Variants in GALNTL6 observed in about 807,000 individuals in gnomAD.
GALNTL6 encodes the protein polypeptide N-acetylgalactosaminyltransferase-like 6.
Under a neutral mutation model 73.7 loss-of-function variants are expected in GALNTL6, and 46 were observed. The ratio of observed to expected loss-of-function variants is 0.62; its 90% CI spans 0.49 to 0.80. GALNTL6 has a LOEUF of 0.80. Ranked by LOEUF, GALNTL6 falls within the 30% of genes least tolerant of loss-of-function variation. The pLI is 0.00. For synonymous variants in GALNTL6, 259 were observed against 263.7 expected (o/e 0.98, Z 0.17); for missense variants, 604 against 755.0 (o/e 0.80, Z 2.34).
chr4:171,950,413 G>T (rs907123438), intron 2 of GALNTL6, among the ~76,000 whole-genome samples: 1 of 151,854 alleles, frequency 6.6e-6, no homozygotes, highest in Admixed American at 6.6e-5. Flanking sequence ...GATGAAGTTT[G>T]TGGAGTTAAT....
chr4:172,325,178 A>G (rs1222227153), intron 4 of GALNTL6, among the ~76,000 whole-genome samples: 2 of 151,994 alleles, frequency 1.3e-5, no homozygotes, highest in Non-Finnish European at 2.9e-5. Flanking sequence ...TTCAACAAGC[A>G]TTTAAATTAT....
At chr4:172,746,049 T>C (rs569979574) in intron 5 of GALNTL6, among the ~76,000 whole-genome samples, 83 of 65,054 alleles carry the variant, frequency 1.3e-3, no homozygotes, top group African/African-American at 7.8e-3. Flanking sequence ...AAAATCAAGA[T>C]AATAAAATTA....
intron 5 of GALNTL6, among the ~76,000 whole-genome samples, chr4:172,558,907 G>T (rs1736241018): frequency 6.6e-6 from 1 of 152,052 alleles, no homozygotes; most frequent in African/African-American, 2.4e-5. Context: ...GGATGGAAAT[G>T]CTTCCAAATC....
chr4:171,854,989 C>T (rs191262425), intron 2 of GALNTL6, among the ~76,000 whole-genome samples: 1 of 152,158 alleles, frequency 6.6e-6, no homozygotes, highest in Non-Finnish European at 1.5e-5. Flanking sequence ...CCCCCACCTC[C>T]TCCTGCTCCC....
At position 172,405,433 on chromosome 4, in the gene GALNTL6, ATATATATATATTTTTTTTTTTTTT is replaced by A. The variant is rs1744193553; in HGVS notation, c.553+56746_553+56769del. Among the ~76,000 whole-genome samples the A allele has an allele frequency of 3.1e-4, 2 of 6,420 alleles. 1 individual carries two copies. The highest frequency in any genetic ancestry group is 0.026 in the East Asian group (2 of 78). The allele number at this position is 6,420 out of a possible 152,430, so 4.2% of individuals were successfully genotyped here. A position where few individuals can be genotyped will look rare whatever the true frequency, so the allele number is the denominator to read the frequency against. ...TATATATATATATATATATATATAT[ATATATATATATTTTTTTTTTTTTT>A]TTTTTTTTTCTCCTTGCATTGAAGT... On this transcript the variant is annotated intron_variant, in intron 5 of 12. Coordinates refer to ENST00000506823, the MANE Select transcript of GALNTL6 (RefSeq NM_001034845.3).
intron 2 of GALNTL6, among the ~76,000 whole-genome samples, chr4:172,158,732 A>T (rs1216266747): frequency 6.6e-6 from 1 of 152,192 alleles, no homozygotes; most frequent in East Asian, 1.9e-4. Flanking sequence ...ACTTGATTAG[A>T]TGGGGTAATG....
At position 172,421,424 on chromosome 4, in the gene GALNTL6, G is replaced by A. The variant is rs1012229852; in HGVS notation, c.553+72735G>A. On this transcript the variant is annotated intron_variant, in intron 5 of 12. Coordinates refer to ENST00000506823, the MANE Select transcript of GALNTL6 (RefSeq NM_001034845.3). Reference sequence around the variant, plus strand: ...GTGTGCTATAATATGCTGGATACTTGATCACATAAATAAAATTGTATTGTT... The same window carrying A: ...GTGTGCTATAATATGCTGGATACTTAATCACATAAATAAAATTGTATTGTT... Among the ~76,000 whole-genome samples the A allele has an allele frequency of 3.2e-4, 48 of 151,970 alleles. 1 individual carries two copies. The highest frequency in any genetic ancestry group is 5.4e-4 in the Non-Finnish European group (37 of 67,952).
At chr4:172,040,177 TTAA>T (rs1188197916) in intron 2 of GALNTL6, among the ~76,000 whole-genome samples, 1 of 151,368 alleles carries the variant, frequency 6.6e-6, no homozygotes, top group African/African-American at 2.4e-5. Flanking sequence ...AAATAGCATA[TTAA>T]TAATCATTGC....
intron 2 of GALNTL6, among the ~76,000 whole-genome samples, chr4:171,998,912 C>T (rs866784609): frequency 7.2e-5 from 11 of 152,166 alleles, no homozygotes; most frequent in Admixed American, 5.9e-4. Flanking sequence ...CCACCCTCTG[C>T]TATGTCCAGC....
chr4:172,088,031 C>T (rs1423013122), intron 2 of GALNTL6, among the ~76,000 whole-genome samples: 1 of 152,112 alleles, frequency 6.6e-6, no homozygotes, highest in African/African-American at 2.4e-5. Flanking sequence ...ATAATGTTCA[C>T]TTCAGAACAA....
chr4:172,389,340 T>C (rs552486448), intron 5 of GALNTL6, among the ~76,000 whole-genome samples: 3 of 152,134 alleles, frequency 2.0e-5, no homozygotes, highest in African/African-American at 2.4e-5. Flanking sequence ...CTAGAAATCA[T>C]TGATGTAGGA....
At chr4:172,238,409 G>T (rs1737312490) in intron 3 of GALNTL6, among the ~76,000 whole-genome samples, 2 of 152,022 alleles carry the variant, frequency 1.3e-5, no homozygotes, top group Non-Finnish European at 2.9e-5. Context: ...CTTGGATGTT[G>T]CTGGTGTATA....
At chr4:172,015,740 A>G (rs34753861) in intron 2 of GALNTL6, among the ~76,000 whole-genome samples, 18,558 of 151,824 alleles carry the variant, frequency 0.12, 2,862 homozygotes, top group African/African-American at 0.36. Context: ...CTTGGTAGTG[A>G]TGAATTCCCT....
chr4:172,272,592 G>A (rs113557944), intron 3 of GALNTL6, among the ~76,000 whole-genome samples: 405 of 152,278 alleles, frequency 2.7e-3, no homozygotes, highest in African/African-American at 8.3e-3. Flanking sequence ...TGTTGTCTGT[G>A]CAGTAGGTAG....
chr4:171,964,681 A>G (rs1377632420), intron 2 of GALNTL6, among the ~76,000 whole-genome samples: 1 of 152,222 alleles, frequency 6.6e-6, no homozygotes, highest in Non-Finnish European at 1.5e-5. Context: ...TTTAACTTAC[A>G]TAAAGTTGAA....
chr4:172,526,950 G>A (rs1734979312), intron 5 of GALNTL6, among the ~76,000 whole-genome samples: 3 of 151,982 alleles, frequency 2.0e-5, no homozygotes, highest in Non-Finnish European at 4.4e-5. Flanking sequence ...CAGAGCTGGT[G>A]CTGCACTATG....
intron 5 of GALNTL6, among the ~76,000 whole-genome samples, chr4:172,472,249 T>G (rs1733080380): frequency 6.6e-6 from 1 of 152,232 alleles, no homozygotes; most frequent in Non-Finnish European, 1.5e-5. Context: ...GCTAGCCCTT[T>G]GGGATGTGAA....
intron 5 of GALNTL6, among the ~76,000 whole-genome samples, chr4:172,386,766 GA>G (rs766714064): frequency 2.3e-4 from 35 of 152,078 alleles, no homozygotes; most frequent in Non-Finnish European, 4.3e-4. Context: ...AGAAGAGGGA[GA>G]AAAATTTACC....
chr4:172,476,678 T>C (rs1733246577), intron 5 of GALNTL6, among the ~76,000 whole-genome samples: 1 of 152,114 alleles, frequency 6.6e-6, no homozygotes, highest in African/African-American at 2.4e-5. Context: ...GTGAATTTGA[T>C]ACCTTAAACA....
Sources: gnomAD v4.1 joint callset for allele counts (sites outside exome capture counted in the v4.1 genomes callset) on GRCh38, gnomAD v4.1.1 for gene constraint, MANE v1.5 for transcripts, NCBI Gene and HGNC (gene_info 2026-07-23, HGNC 2026-07-21) for gene names.